SYCP2: variants seen among roughly 807,000 people sequenced by gnomAD.
The protein encoded by SYCP2 is synaptonemal complex protein 2, also known as synaptonemal complex lateral element protein.
SYCP2 carries 55 observed loss-of-function variants against 211.3 expected under a neutral mutation model. That is an observed-to-expected ratio of 0.26 (90% CI 0.21 to 0.33). The LOEUF is 0.33. SYCP2 is among the 10% of genes least tolerant of loss of function. The probability of loss-of-function intolerance (pLI) is 1.00; values close to 1 mark genes in which losing one functional copy is unlikely to be tolerated. For missense variants in SYCP2, 1,731 were observed against 1,752.0 expected (o/e 0.99, Z 0.21); for synonymous variants, 570 against 555.2 (o/e 1.03, Z -0.37).
chr20:59,877,484 T>G lies in SYCP2; in HGVS notation c.3051A>C (p.Lys1017Asn), dbSNP rs894560311. The stretch of plus-strand genomic sequence containing the variant: ...TATAGTTTTTTTTTGTTTTGGTTGC[T>G]TTTCGTGGAAGTCTGATTCTTCCTT... ...IPEGRIRLPR[K>N]ATKTKKNYKD... is the part of the protein sequence containing the mutation. Residue 1017 changes from lysine to asparagine, a missense_variant, in exon 33 of 45, where the codon AAA (lysine) becomes AAC (asparagine). Lys to Asn is a moderately conservative substitution (Grantham distance 94). Coordinates refer to ENST00000357552, the MANE Select transcript of SYCP2 (RefSeq NM_014258.4). 2 of 1,605,782 alleles carry G rather than the reference T, an allele frequency of 1.2e-6. No individual in the cohort carries two copies. Among genetic ancestry groups the G allele is most frequent in the South Asian group, 2.3e-5 (2 of 88,202 alleles).
chr20:59,911,322 A>T (rs2145832049), intron 14 of SYCP2, among the ~76,000 whole-genome samples: 1 of 152,224 alleles, frequency 6.6e-6, no homozygotes, highest in Non-Finnish European at 1.5e-5. Flanking sequence ...ATTAACTCCC[A>T]CTCAAGTCCT....
At position 59,902,482 on chromosome 20, in the gene SYCP2, A is replaced by C. The variant is rs570607616; in HGVS notation, c.1034-672T>G. 2.3e-4 allele frequency among the ~76,000 whole-genome samples: 35 copies of C among 152,272 alleles called. No individual in the cohort carries two copies. The East Asian group carries it at 3.3e-3, about 14-fold the overall frequency. On this transcript the variant is annotated intron_variant, in intron 15 of 44. Coordinates refer to ENST00000357552, the MANE Select transcript of SYCP2 (RefSeq NM_014258.4). ...ATGCTCGTGTCCTACTTGTGGCAGG[A>C]ATTCTATTGCTGAATGAAAAGTCTC...
chr20:59,893,667 T>C, intron 20 of SYCP2, 74 bp from the exon 21 acceptor site: 2 of 1,091,330 alleles, frequency 1.8e-6, no homozygotes, highest in South Asian at 1.8e-5. Flanking sequence ...GTATTAAGGT[T>C]TGAGTCTTTT....
At chr20:59,868,332 G>T (rs2059389273) in intron 38 of SYCP2, 81 bp downstream of exon 38, 1 of 1,431,572 alleles carries the variant, frequency 7.0e-7, no homozygotes. Flanking sequence ...TTACAAATTT[G>T]TTTTGTAAAT....
intron 32 of SYCP2, 68 bp downstream of exon 32, chr20:59,877,940 G>A (rs2059592775): frequency 8.2e-7 from 1 of 1,213,216 alleles, no homozygotes; most frequent in South Asian, 1.3e-5. Context: ...ATGAGATGAT[G>A]AATTATTTTT....
Position 59,911,734 on chromosome 20 carries a change from A to AC in SYCP2, c.972+15dup. ...TGCATATACATAAAGAATAATACCA[A>AC]CCAAATTAAACTTACATCATTATCT... On this transcript the variant is annotated intron_variant, in intron 14 of 44. Transcript: ENST00000357552. 1 of 1,369,814 alleles carries AC rather than the reference A, an allele frequency of 7.3e-7. No individual in the cohort carries two copies. The highest frequency in any genetic ancestry group is 1.0e-6 in the Non-Finnish European group (1 of 982,334). The allele number at this position is 1,369,814 out of a possible 1,614,324, so 84.9% of individuals were successfully genotyped here.
chr20:59,915,332 G>C (rs2060417840), intron 9 of SYCP2, 133 bp from the exon 10 acceptor site: 1 of 963,848 alleles, frequency 1.0e-6, no homozygotes, highest in Admixed American at 2.3e-5. Context: ...GAAATTATAT[G>C]CATACACTAA....
intron 1 of SYCP2, 95 bp downstream of exon 1, chr20:59,933,474 T>C (rs1432387666): frequency 6.6e-6 from 1 of 151,786 alleles, no homozygotes; most frequent in African/African-American, 2.4e-5. Flanking sequence ...GTCGGAAGCT[T>C]CTCGCCTGCC....
chr20:59,915,593 G>A, intron 8 of SYCP2, 43 bp from the exon 9 acceptor site: 1 of 1,182,284 alleles, frequency 8.5e-7, no homozygotes, highest in Non-Finnish European at 1.3e-6. Flanking sequence ...TACATTCAGT[G>A]AAACACTATT....
At chr20:59,892,542 T>C in intron 23 of SYCP2, 26 bp downstream of exon 23, 1 of 1,591,446 alleles carries the variant, frequency 6.3e-7, no homozygotes, top group Non-Finnish European at 8.5e-7. Flanking sequence ...ACTGAACTAT[T>C]ACATATAGAT....
chr20:59,919,024 A>G (rs944210227), intron 7 of SYCP2, 134 bp downstream of exon 7: 3 of 476,754 alleles, frequency 6.3e-6, no homozygotes, highest in Non-Finnish European at 1.2e-5. Context: ...GGCCCTTTAC[A>G]GTAAAAGTTT....
At position 59,882,114 on chromosome 20, in the gene SYCP2, C is replaced by G. The variant is rs769459232; in HGVS notation, c.2581G>C (p.Val861Leu). ...YRKLKTTFVN[V>L]TSECPVNDVY... is the part of the protein sequence containing the mutation. ...ACTTACACTGGGCATTCAGAAGTAA[C>G]ATTAACAAAGGTAGTCTTCAGTTTT... The change falls in exon 27 of 45, where the codon GTT (valine) becomes CTT (leucine). Residue 861 changes from valine (V) to leucine (L), a missense_variant. By Grantham distance (32) the Val-to-Leu change is conservative. Around this residue, in one of 3 missense-constraint regions of SYCP2, gnomAD observed 1,387 missense variants for 1,351.3 expected, o/e 1.03. Transcript: ENST00000357552. 6 of 1,612,816 alleles carry G rather than the reference C, an allele frequency of 3.7e-6. No homozygotes were observed. Among genetic ancestry groups the G allele is most frequent in the South Asian group, 2.2e-5 (2 of 90,894 alleles).
chr20:59,870,446 T>C (rs1293709559), intron 35 of SYCP2, among the ~76,000 whole-genome samples: 3 of 151,786 alleles, frequency 2.0e-5, no homozygotes, highest in African/African-American at 7.3e-5. Flanking sequence ...AAAAAGTCTT[T>C]TTTTTAATAC....
At chr20:59,908,533 A>G (rs1361353445) in intron 14 of SYCP2, among the ~76,000 whole-genome samples, 1 of 152,152 alleles carries the variant, frequency 6.6e-6, no homozygotes, top group African/African-American at 2.4e-5. Flanking sequence ...CCTTTGAGGA[A>G]TATCTCAGTT....
intron 2 of SYCP2, among the ~76,000 whole-genome samples, chr20:59,924,410 CTA>C (rs1045232296): frequency 4.6e-5 from 7 of 151,866 alleles, no homozygotes; most frequent in Non-Finnish European, 1.0e-4. Context: ...GTTGATCTGT[CTA>C]TGTCAATTTA....
chr20:59,868,065 G>C (rs945585921), intron 38 of SYCP2, among the ~76,000 whole-genome samples: 1 of 151,708 alleles, frequency 6.6e-6, no homozygotes, highest in African/African-American at 2.4e-5. Flanking sequence ...TATTACAGCA[G>C]AAATGACTAC....
chr20:59,900,703 A>G, intron 17 of SYCP2, 41 bp downstream of exon 17: 1 of 1,503,456 alleles, frequency 6.7e-7, no homozygotes, highest in Non-Finnish European at 9.2e-7. Context: ...TTATGGTTAA[A>G]CTTAGCCCAG....
chr20:59,923,963 A>C (rs1467851845), intron 2 of SYCP2, among the ~76,000 whole-genome samples: 1 of 151,934 alleles, frequency 6.6e-6, no homozygotes, highest in East Asian at 1.9e-4. Context: ...TGAAGAAGTA[A>C]GAATGTCACC....
At chr20:59,919,641 T>G (rs761729762) in intron 5 of SYCP2, 44 bp from the exon 6 acceptor site, 20 of 1,251,844 alleles carry the variant, frequency 1.6e-5, no homozygotes, top group Admixed American at 1.4e-4. Context: ...TTTAATAATT[T>G]TAAGAATGTA....
Sources: gnomAD v4.1 joint callset for allele counts (sites outside exome capture counted in the v4.1 genomes callset) on GRCh38, gnomAD v4.1.1 for gene constraint, gnomAD v4.1.1 regional missense constraint, MANE v1.5 for transcripts, NCBI Gene and HGNC (gene_info 2026-07-23, HGNC 2026-07-21) for gene names.